ANO4: variants seen among roughly 807,000 people sequenced by gnomAD.
ANO4 encodes anoctamin 4, also known as anoctamin-4.
In ANO4, 69 loss-of-function variants were observed where a neutral mutation model predicts 141.9. The ratio of observed to expected loss-of-function variants is 0.49; its 90% CI spans 0.40 to 0.59. The LOEUF (loss-of-function observed/expected upper bound fraction) is 0.59, where lower values mean the gene tolerates loss of function less well. Ranked by LOEUF, ANO4 falls within the 20% of genes least tolerant of loss-of-function variation. The pLI is 0.00. For synonymous variants in ANO4, 350 were observed against 394.3 expected (o/e 0.89, Z 1.33); for missense variants, 894 against 1,162.2 (o/e 0.77, Z 3.36).
intron 14 of ANO4, among the ~76,000 whole-genome samples, chr12:101,076,554 T>G (rs2049032185): frequency 6.6e-6 from 1 of 152,156 alleles, no homozygotes; most frequent in African/African-American, 2.4e-5. Flanking sequence ...ATGGAATAAT[T>G]GTGACAGCCA....
chr12:100,916,936 T>C (rs998799172), intron 2 of ANO4, among the ~76,000 whole-genome samples: 1 of 151,884 alleles, frequency 6.6e-6, no homozygotes, highest in Non-Finnish European at 1.5e-5. Flanking sequence ...TGAGCTGCGA[T>C]TGCATCATTG....
In ANO4 at chr12:100,920,624, T is replaced by C. The variant is rs149714723; in HGVS notation, c.56-1602T>C. Among the ~76,000 whole-genome samples, 230 of 152,268 alleles carry C rather than the reference T, an allele frequency of 1.5e-3. 1 individual carries two copies. The highest frequency in any genetic ancestry group is 5.2e-3 in the African/African-American group (218 of 41,564). ...GTCTGTCCTGTCTAAGAAACTCTCA[T>C]AAGTAGCTTCAGACTTTGCAATGAG... On this transcript the variant is annotated intron_variant, in intron 2 of 27. Transcript: ENST00000392977.
chr12:100,942,584 A>G (rs2042565017), intron 5 of ANO4, 49 bp downstream of exon 5: 1 of 1,556,898 alleles, frequency 6.4e-7, no homozygotes, highest in Admixed American at 1.9e-5. Flanking sequence ...ATCTATTCAT[A>G]TGAAGAGGCA....
intron 2 of ANO4, among the ~76,000 whole-genome samples, chr12:100,735,917 T>C (rs556528278): frequency 6.6e-6 from 1 of 152,288 alleles, no homozygotes; most frequent in East Asian, 1.9e-4. Context: ...CAGTCAAATC[T>C]TTGGAAGAAG....
chr12:101,087,817 A>G (rs753363291), intron 17 of ANO4, among the ~76,000 whole-genome samples: 1 of 151,966 alleles, frequency 6.6e-6, no homozygotes, highest in Non-Finnish European at 1.5e-5. Context: ...GGACTCCTCT[A>G]TTTCTCTGGC....
intron 25 of ANO4, among the ~76,000 whole-genome samples, chr12:101,118,985 G>A (rs1159696593): frequency 2.0e-5 from 3 of 150,328 alleles, no homozygotes; most frequent in Non-Finnish European, 4.4e-5. Flanking sequence ...TTTTGTCCTT[G>A]AGATAGTTTG....
intron 3 of ANO4, among the ~76,000 whole-genome samples, chr12:100,761,172 C>G (rs1458262946): frequency 6.6e-6 from 1 of 152,130 alleles, no homozygotes; most frequent in Non-Finnish European, 1.5e-5. Flanking sequence ...AACCCCAATT[C>G]TCCCTAGATC....
At chr12:101,050,455 G>A (rs1325785224) in intron 14 of ANO4, among the ~76,000 whole-genome samples, 2 of 152,102 alleles carry the variant, frequency 1.3e-5, no homozygotes, top group African/African-American at 4.8e-5. Flanking sequence ...TTGATTACAG[G>A]CCTGAGCTCT....
rs143318848 is a variant in ANO4, at chr12:100,935,353, G to C, written c.161-3962G>C. Among the ~76,000 whole-genome samples, 11 of 140,806 alleles carry C rather than the reference G, an allele frequency of 7.8e-5. No individual in the cohort carries two copies. The East Asian group carries it at 2.1e-3, about 27-fold the overall frequency. The allele number at this position is 140,806 out of a possible 152,430, so 92.4% of individuals were successfully genotyped here. On this transcript the variant is annotated intron_variant, in intron 3 of 27. Coordinates refer to ENST00000392977, the MANE Select transcript of ANO4 (RefSeq NM_001286615.2). The stretch of plus-strand genomic sequence containing the variant: ...TTTCTGCATTTATTGAGATAATCAT[G>C]TGTTTTTTGTCGTTGATTCTGTTTA...
At chr12:101,092,587 A>G (rs7306107) in intron 17 of ANO4, among the ~76,000 whole-genome samples, 20,947 of 152,160 alleles carry the variant, frequency 0.14, 1,512 homozygotes, top group South Asian at 0.19. Context: ...CTCACAGTCC[A>G]TATCCTTATA....
At chr12:100,742,658 CCAAA>C (rs2031921553) in intron 3 of ANO4, among the ~76,000 whole-genome samples, 1 of 152,048 alleles carries the variant, frequency 6.6e-6, no homozygotes, top group Non-Finnish European at 1.5e-5. Flanking sequence ...TAAGAATTTC[CCAAA>C]CACATTATAA....
intron 3 of ANO4, among the ~76,000 whole-genome samples, chr12:100,775,462 G>A (rs768854724): frequency 1.2e-4 from 18 of 152,152 alleles, no homozygotes; most frequent in Non-Finnish European, 2.5e-4. Flanking sequence ...AACGATACCT[G>A]ATAGTGGGAC....
chr12:101,037,160 T>C lies in ANO4; in HGVS notation c.897+10T>C. 1 of 1,613,170 alleles carries C rather than the reference T, an allele frequency of 6.2e-7. No individual in the cohort carries two copies. Among genetic ancestry groups the C allele is most frequent in the African/African-American group, 1.3e-5 (1 of 75,058 alleles). On this transcript the variant is annotated intron_variant, in intron 10 of 27. Coordinates refer to ENST00000392977, the MANE Select transcript of ANO4 (RefSeq NM_001286615.2). ...GTTTCCCCTGCATGAGGTATTGTGC[T>C]GTCTTTAATCTTTATCTTTCTTTCA...
intron 5 of ANO4, among the ~76,000 whole-genome samples, chr12:100,969,863 T>C (rs1006860313): frequency 6.6e-6 from 1 of 152,240 alleles, no homozygotes; most frequent in African/African-American, 2.4e-5. Context: ...GCCACTTTAC[T>C]AATTTAAACT....
chr12:100,729,360 CAAAAAAAA>C (rs1156522144), intron 1 of ANO4, among the ~76,000 whole-genome samples: 199 of 22,556 alleles, frequency 8.8e-3, no homozygotes, highest in Middle Eastern at 0.05. Flanking sequence ...AACTCTGTCT[CAAAAAAAA>C]AAAAAAAAAA....
At chr12:100,986,390 T>G (rs1007841489) in intron 7 of ANO4, among the ~76,000 whole-genome samples, 4 of 152,090 alleles carry the variant, frequency 2.6e-5, no homozygotes, top group African/African-American at 7.2e-5. Flanking sequence ...TTTTGTCCTA[T>G]TCAGGTCCTC....
intron 2 of ANO4, among the ~76,000 whole-genome samples, chr12:100,919,315 A>G (rs994388546): frequency 6.6e-6 from 1 of 152,156 alleles, no homozygotes; most frequent in Non-Finnish European, 1.5e-5. Context: ...TCACCACTCA[A>G]TGACTCATTC....
intron 8 of ANO4, among the ~76,000 whole-genome samples, chr12:101,017,977 G>T (rs909487597): frequency 3.3e-5 from 5 of 152,168 alleles, no homozygotes; most frequent in African/African-American, 1.2e-4. Flanking sequence ...CATGTGCTCA[G>T]AAAATGTAAT....
chr12:101,055,517 T>C (rs1448744394), intron 14 of ANO4, among the ~76,000 whole-genome samples: 2 of 152,216 alleles, frequency 1.3e-5, no homozygotes, highest in Non-Finnish European at 2.9e-5. Flanking sequence ...CCATTTGTTA[T>C]TGGGTTGTCT....
Sources: gnomAD v4.1 joint callset for allele counts (sites outside exome capture counted in the v4.1 genomes callset) on GRCh38, gnomAD v4.1.1 for gene constraint, MANE v1.5 for transcripts, NCBI Gene and HGNC (gene_info 2026-07-23, HGNC 2026-07-21) for gene names.